Variants in MAST4 observed in about 807,000 individuals in gnomAD.
MAST4 encodes microtubule associated serine/threonine kinase family member 4, also known as microtubule-associated serine/threonine-protein kinase 4.
MAST4 carries 89 observed loss-of-function variants against 162.7 expected under a neutral mutation model. The ratio of observed to expected loss-of-function variants is 0.55; its 90% confidence interval spans 0.46 to 0.65. The LOEUF is 0.65. Among genes scored for constraint, MAST4 ranks in the 30% least tolerant of loss-of-function variants. MAST4 has a pLI of 0.00. For missense variants in MAST4, 3,153 were observed against 3,374.0 expected (o/e 0.93, Z 1.62); for synonymous variants, 1,479 against 1,361.1 (o/e 1.09, Z -1.91).
At chr5:67,084,896 T>C (rs1034334998) in intron 5 of MAST4, among the ~76,000 whole-genome samples, 1 of 152,232 alleles carries the variant, frequency 6.6e-6, no homozygotes, top group African/African-American at 2.4e-5. Flanking sequence ...TTTGCTCTAA[T>C]GTACAATAAG....
At chr5:66,747,471 T>C (rs775320165) in intron 1 of MAST4, among the ~76,000 whole-genome samples, 10 of 152,216 alleles carry the variant, frequency 6.6e-5, no homozygotes, top group Non-Finnish European at 1.0e-4. Context: ...TTAAAAAATA[T>C]GGACATTCAT....
chr5:66,676,038 G>A (rs118112321), intron 1 of MAST4, among the ~76,000 whole-genome samples: 1 of 152,180 alleles, frequency 6.6e-6, no homozygotes, highest in Non-Finnish European at 1.5e-5. Context: ...CTTAGTTGAC[G>A]CATGAAATCT....
At chr5:67,134,976 G>T (rs1769433256) in intron 18 of MAST4, among the ~76,000 whole-genome samples, 1 of 152,154 alleles carries the variant, frequency 6.6e-6, no homozygotes. Context: ...ATTGGTGTGG[G>T]ATTTACAGGC....
chr5:66,919,481 T>C (rs978274487), intron 4 of MAST4, among the ~76,000 whole-genome samples: 1 of 151,732 alleles, frequency 6.6e-6, no homozygotes, highest in African/African-American at 2.4e-5. Flanking sequence ...GCCAACATGT[T>C]GAACCCCATC....
chr5:66,718,510 G>A (rs528358461), intron 1 of MAST4, among the ~76,000 whole-genome samples: 1 of 152,200 alleles, frequency 6.6e-6, no homozygotes, highest in African/African-American at 2.4e-5. Context: ...CTGTCTCAGG[G>A]CCCCTGGCTC....
At position 67,167,374 on chromosome 5, in the gene MAST4, G is replaced by A. The variant is rs1774179996; in HGVS notation, c.*323G>A. On this transcript the variant is annotated 3_prime_UTR_variant, in exon 29 of 29. Coordinates refer to ENST00000403625, the MANE Select transcript of MAST4 (RefSeq NM_001164664.2). ...CATCGTGTTTGGTTTGGGATGTAGA[G>A]TCTATACCTGGCTGCTGATTGCGTC... The A allele has an allele frequency of 4.6e-6, 1 of 219,282 alleles. No individual in the cohort carries two copies. Among genetic ancestry groups the A allele is most frequent in the East Asian group, 9.2e-5 (1 of 10,890 alleles). The allele number at this position is 219,282 out of a possible 1,614,324, so 13.6% of individuals were successfully genotyped here.
intron 4 of MAST4, among the ~76,000 whole-genome samples, chr5:66,950,047 A>G (rs1452396053): frequency 3.3e-5 from 5 of 152,076 alleles, no homozygotes; most frequent in African/African-American, 1.2e-4. Flanking sequence ...GCACATAGGA[A>G]ACAGAACATG....
At chr5:66,700,906 G>T (rs901844699) in intron 1 of MAST4, among the ~76,000 whole-genome samples, 1 of 151,462 alleles carries the variant, frequency 6.6e-6, no homozygotes, top group Admixed American at 6.6e-5. Flanking sequence ...GATTGCTTAT[G>T]GCTCTTTAGA....
At chr5:66,912,399 C>T (rs1763836251) in intron 4 of MAST4, among the ~76,000 whole-genome samples, 2 of 152,126 alleles carry the variant, frequency 1.3e-5, no homozygotes, top group African/African-American at 4.8e-5. Flanking sequence ...CAAGAATAAG[C>T]AGAAGGTTTT....
chr5:66,781,476 A>G (rs1754867503), intron 2 of MAST4, among the ~76,000 whole-genome samples: 2 of 152,228 alleles, frequency 1.3e-5, no homozygotes, highest in African/African-American at 4.8e-5. Flanking sequence ...CCAGCTTGCC[A>G]TTGTTCTTTT....
At chr5:66,668,160 G>A (rs775393797) in intron 1 of MAST4, among the ~76,000 whole-genome samples, 9 of 152,154 alleles carry the variant, frequency 5.9e-5, no homozygotes, top group Admixed American at 1.3e-4. Flanking sequence ...GAAATAATTA[G>A]TTATACTTTC....
chr5:66,786,779 C>A (rs1038607443), intron 2 of MAST4, among the ~76,000 whole-genome samples: 1 of 151,954 alleles, frequency 6.6e-6, no homozygotes, highest in Admixed American at 6.6e-5. Flanking sequence ...CATACCTTGC[C>A]CAAAAATATG....
At chr5:66,737,984 A>G (rs977683929) in intron 1 of MAST4, 5 of 152,196 alleles carry the variant, frequency 3.3e-5, no homozygotes, top group African/African-American at 9.7e-5. Flanking sequence ...AACGGGGTGC[A>G]TTGTGAGCAA....
intron 11 of MAST4, among the ~76,000 whole-genome samples, chr5:67,110,425 C>G (rs568878657): frequency 6.6e-6 from 1 of 152,298 alleles, no homozygotes; most frequent in South Asian, 2.1e-4. Context: ...ATACCATATT[C>G]TAGTCAAACT....
chr5:66,971,862 C>T (rs550482798), intron 4 of MAST4, among the ~76,000 whole-genome samples: 2 of 152,234 alleles, frequency 1.3e-5, no homozygotes, highest in South Asian at 4.1e-4. Flanking sequence ...CTATTTCCAA[C>T]ATTTAAAATA....
At chr5:67,129,518 G>A (rs895981589) in intron 14 of MAST4, among the ~76,000 whole-genome samples, 17 of 152,020 alleles carry the variant, frequency 1.1e-4, no homozygotes, top group African/African-American at 3.1e-4. Flanking sequence ...TCAGGAGTTC[G>A]AGACCAGCCT....
chr5:66,763,037 A>G (rs767546792), intron 2 of MAST4, among the ~76,000 whole-genome samples: 3 of 152,194 alleles, frequency 2.0e-5, no homozygotes, highest in Admixed American at 6.5e-5. Flanking sequence ...GTGTGTGTCT[A>G]TGAGGGAGAC....
At chr5:67,026,115 C>A (rs1210975966) in intron 4 of MAST4, among the ~76,000 whole-genome samples, 1 of 152,148 alleles carries the variant, frequency 6.6e-6, no homozygotes, top group Non-Finnish European at 1.5e-5. Context: ...AGTTTTCTTT[C>A]CTAGAGTTTG....
chr5:66,800,844 A>G (rs1419897729), intron 3 of MAST4, among the ~76,000 whole-genome samples: 1 of 152,230 alleles, frequency 6.6e-6, no homozygotes, highest in Non-Finnish European at 1.5e-5. Flanking sequence ...TATAAAAAAT[A>G]TGAGTTGTAG....
Sources: allele counts gnomAD v4.1 joint callset (sites outside exome capture counted in the v4.1 genomes callset), GRCh38; gene constraint gnomAD v4.1.1; transcripts MANE v1.5; gene names NCBI Gene and HGNC (gene_info 2026-07-23, HGNC 2026-07-21).